MSR1: variants seen among roughly 807,000 people sequenced by gnomAD.
MSR1 encodes macrophage scavenger receptor 1.
Under a neutral mutation model 47.2 loss-of-function variants are expected in MSR1, and 53 were observed. The observed-to-expected ratio is 1.12, with a 90% confidence interval of 0.90 to 1.41. The LOEUF is 1.41. Among genes scored for constraint, MSR1 ranks in the 40% most tolerant of loss-of-function variants. The pLI is 0.00. For missense variants in MSR1, 786 were observed against 546.9 expected, an observed-to-expected ratio of 1.44 and a Z score of -4.36; for synonymous variants, 239 against 185.6, an observed-to-expected ratio of 1.29 and a Z score of -2.34.
At position 16,164,216 on chromosome 8, in the gene MSR1, T is replaced by A; in HGVS notation, c.666A>T (p.Val222=). The A allele has an allele frequency of 6.2e-7, 1 of 1,612,360 alleles. No homozygotes were observed. Among genetic ancestry groups the A allele is most frequent in the Non-Finnish European group, 8.5e-7 (1 of 1,179,090 alleles). Residue 222 remains valine, a synonymous_variant, in exon 5 of 10, where the codon GTA becomes GTT. Coordinates refer to ENST00000262101, the MANE Select transcript of MSR1 (RefSeq NM_138715.3). ...ISKLEERVYN[V]SAEIMAMKEE... ...CTTTCATAGCCATAATTTCTGCTGATACATTGTAAACACGCTCCTCTAATT... is the reference window on the plus strand; with the variant it reads ...CTTTCATAGCCATAATTTCTGCTGAAACATTGTAAACACGCTCCTCTAATT...
At chr8:16,177,558 ACT>A (rs889991306) in intron 2 of MSR1, among the ~76,000 whole-genome samples, 15 of 151,578 alleles carry the variant, frequency 9.9e-5, no homozygotes, top group Middle Eastern at 3.4e-3. Flanking sequence ...TGTTACAACA[ACT>A]CTAGAAAACT....
chr8:16,167,629 C>T (rs567583401), intron 4 of MSR1, among the ~76,000 whole-genome samples: 51 of 152,292 alleles, frequency 3.3e-4, no homozygotes, highest in African/African-American at 1.2e-3. Flanking sequence ...ATGTATCCTT[C>T]TTCTTCCATC....
chr8:16,169,756 A>T (rs1316847398), intron 3 of MSR1, among the ~76,000 whole-genome samples: 1 of 151,962 alleles, frequency 6.6e-6, no homozygotes, highest in Non-Finnish European at 1.5e-5. Context: ...AAATAATTTT[A>T]AAAACTCCAT....
At chr8:16,141,634 G>A (rs1800559302) in intron 8 of MSR1, among the ~76,000 whole-genome samples, 1 of 152,104 alleles carries the variant, frequency 6.6e-6, no homozygotes, top group Non-Finnish European at 1.5e-5. Context: ...GGGCATGGTG[G>A]AGAATGCAGA....
intron 8 of MSR1, among the ~76,000 whole-genome samples, chr8:16,121,543 T>C (rs1800005753): frequency 6.6e-6 from 1 of 152,138 alleles, no homozygotes; most frequent in Admixed American, 6.5e-5. Flanking sequence ...CAACAGCCTG[T>C]ATTATTCTGC....
chr8:16,141,725 A>G (rs1194937711), intron 8 of MSR1, among the ~76,000 whole-genome samples: 1 of 152,144 alleles, frequency 6.6e-6, no homozygotes, highest in Non-Finnish European at 1.5e-5. Flanking sequence ...AAAATACTGT[A>G]ACTGAAAACA....
chr8:16,170,644 C>T (rs1260842606), intron 3 of MSR1, among the ~76,000 whole-genome samples: 1 of 152,072 alleles, frequency 6.6e-6, no homozygotes, highest in Non-Finnish European at 1.5e-5. Context: ...GGTGATAGTA[C>T]CATTTTTATA....
At chr8:16,151,756 A>T in intron 6 of MSR1, among the ~76,000 whole-genome samples, 1 of 152,106 alleles carries the variant, frequency 6.6e-6, no homozygotes, top group East Asian at 1.9e-4. Flanking sequence ...ACTTACATAA[A>T]GCTGGTCTGA....
intron 8 of MSR1, chr8:16,141,186 C>G (rs779947385): frequency 3.0e-5 from 26 of 857,806 alleles, no homozygotes; most frequent in Non-Finnish European, 4.2e-5. Flanking sequence ...GAATCAGGCA[C>G]TTTCATACAG....
intron 2 of MSR1, among the ~76,000 whole-genome samples, chr8:16,176,065 T>A (rs1026644462): frequency 2.6e-5 from 4 of 152,204 alleles, no homozygotes; most frequent in African/African-American, 9.6e-5. Context: ...ACAATGGTCA[T>A]TAAAAATTTA....
At chr8:16,172,509 T>C (rs1190791187) in intron 3 of MSR1, among the ~76,000 whole-genome samples, 1 of 152,140 alleles carries the variant, frequency 6.6e-6, no homozygotes, top group Non-Finnish European at 1.5e-5. Flanking sequence ...ACTTTTCTGT[T>C]TCACATATGA....
In MSR1 at chr8:16,189,239, A is replaced by G. The variant is rs557924353; in HGVS notation, c.-5+3359T>C. Among the ~76,000 whole-genome samples, 759 of 116,886 alleles carry G rather than the reference A, an allele frequency of 6.5e-3. 11 individuals are homozygous for G. The highest frequency in any genetic ancestry group is 0.022 in the African/African-American group (593 of 26,476). 76.7% of individuals were successfully genotyped at this position (116,886 alleles called of 152,430 possible). On this transcript the variant is annotated intron_variant, in intron 1 of 9. Transcript: ENST00000262101. ...TCATATATGTAAAATCTTATTTTAT[A>G]TATATTTAGATATAATCTTATTTTA... is the stretch of plus-strand genomic sequence containing the variant.
chr8:16,180,028 G>T (rs942028937), intron 1 of MSR1, among the ~76,000 whole-genome samples: 1 of 151,514 alleles, frequency 6.6e-6, no homozygotes, highest in Non-Finnish European at 1.5e-5. Flanking sequence ...TTGAACTCCT[G>T]ACCTCAAGTC....
At chr8:16,172,039 T>C (rs537781143) in intron 3 of MSR1, among the ~76,000 whole-genome samples, 2 of 152,322 alleles carry the variant, frequency 1.3e-5, no homozygotes, top group African/African-American at 2.4e-5. Flanking sequence ...TTCAGGTACC[T>C]ATATGCCCAA....
In MSR1 at chr8:16,120,371, T is replaced by C. The variant is rs116393259; in HGVS notation, c.1222+47A>G. ...CAGTCTGGGCGACAGAATGAGACTC[T>C]GTCTGAAACAACAACAACAAACCTC... is the stretch of plus-strand genomic sequence containing the variant. On this transcript the variant is annotated intron_variant, in intron 9 of 9. Transcript: ENST00000262101. 3 of 1,600,080 alleles carry C rather than the reference T, an allele frequency of 1.9e-6. No individual in the cohort carries two copies. The Admixed American group carries it at 5.0e-5, about 27-fold the overall frequency.
At chr8:16,175,033 G>T (rs1004053070) in intron 3 of MSR1, among the ~76,000 whole-genome samples, 154 bp downstream of exon 3, 2 of 151,910 alleles carry the variant, frequency 1.3e-5, no homozygotes, top group African/African-American at 4.8e-5. Context: ...TGCGGAATCT[G>T]TTTTTTAACT....
intron 8 of MSR1, chr8:16,140,704 G>A: frequency 2.9e-6 from 4 of 1,356,452 alleles, no homozygotes; most frequent in Non-Finnish European, 3.8e-6. Context: ...ACTGAGGACT[G>A]GTTGGAGCAG....
intron 9 of MSR1, among the ~76,000 whole-genome samples, chr8:16,112,765 G>A (rs547197318): frequency 6.6e-6 from 1 of 151,640 alleles, no homozygotes; most frequent in South Asian, 2.1e-4. Flanking sequence ...TTTCTATTCG[G>A]TGGAAAGCTA....
intron 9 of MSR1, 92 bp downstream of exon 9, chr8:16,120,326 G>A (rs1478719432): frequency 2.9e-6 from 4 of 1,362,220 alleles, no homozygotes; most frequent in African/African-American, 1.4e-5. Context: ...GCAGTGAGCC[G>A]AGATCGCGCC....
Sources: gnomAD v4.1 joint callset for allele counts (sites outside exome capture counted in the v4.1 genomes callset) on GRCh38, gnomAD v4.1.1 for gene constraint, MANE v1.5 for transcripts, NCBI Gene and HGNC (gene_info 2026-07-23, HGNC 2026-07-21) for gene names.